ADCY9: variants seen among roughly 807,000 people sequenced by gnomAD.
ADCY9 encodes the protein adenylate cyclase type 9.
In ADCY9, 50 loss-of-function variants were observed where a neutral mutation model predicts 101.5. The observed-to-expected ratio is 0.49, with a 90% CI of 0.39 to 0.62. The LOEUF (loss-of-function observed/expected upper bound fraction) is 0.62, where lower values mean the gene tolerates loss of function less well. Ranked by LOEUF, ADCY9 falls within the 20% of genes least tolerant of loss-of-function variation. The pLI is 0.00. For synonymous variants in ADCY9, 905 were observed against 769.3 expected (o/e 1.18, Z -2.92); for missense variants, 1,662 against 1,800.4 (o/e 0.92, Z 1.39).
chr16:3,995,093 C>T (rs1374182617), intron 3 of ADCY9, among the ~76,000 whole-genome samples: 1 of 152,148 alleles, frequency 6.6e-6, no homozygotes, highest in Admixed American at 6.5e-5. Flanking sequence ...ATCACTTTAC[C>T]TCAGTTCCCT....
rs184286992 is a variant in ADCY9, at chr16:3,966,934, G to A, written c.2903C>T (p.Pro968Leu). 686 of 1,613,600 alleles carry A rather than the reference G, an allele frequency of 4.3e-4. 2 individuals carry two copies. Among genetic ancestry groups the A allele is most frequent in the Non-Finnish European group, 5.6e-5 (66 of 1,179,944 alleles). Residue 968 changes from proline (P) to leucine (L), a missense_variant, in exon 11 of 11, where the codon CCG becomes CTG. This residue lies in a region of ADCY9 where 624 missense variants were observed against 639.1 expected (regional missense o/e 0.98). Transcript: ENST00000294016. ...GCTGGCGGGCCGCCGGAGGTCACGC[G>A]GCACCGAACTATTGCACGGGTTCCT... ...SERNPCNSSV[P>L]RDLRRPASLI...
In ADCY9 at chr16:4,019,156, T is replaced by A. The variant is rs1036830383; in HGVS notation, c.1694-11598A>T. On this transcript the variant is annotated intron_variant, in intron 2 of 10. Transcript: ENST00000294016. ...AAGCCCACCTTCTTTTAAAAAAAAATTTTTTTTTAAAGATGGAATCTCACT... is the reference window on the plus strand; with the variant it reads ...AAGCCCACCTTCTTTTAAAAAAAAAATTTTTTTTAAAGATGGAATCTCACT... Among the ~76,000 whole-genome samples, 34 of 151,572 alleles carry A rather than the reference T, an allele frequency of 2.2e-4. 2 individuals carry two copies. The highest frequency in any genetic ancestry group is 7.9e-4 in the Admixed American group (12 of 15,214).
intron 2 of ADCY9, among the ~76,000 whole-genome samples, chr16:4,071,080 G>A (rs977912484): frequency 2.0e-5 from 3 of 151,362 alleles, no homozygotes; most frequent in South Asian, 2.1e-4. Context: ...CTGTAATCCC[G>A]GCACTTTGGG....
intron 2 of ADCY9, among the ~76,000 whole-genome samples, chr16:4,027,553 G>A (rs2056524667): frequency 6.6e-6 from 1 of 152,196 alleles, no homozygotes; most frequent in African/African-American, 2.4e-5. Context: ...GGAAGAGAGA[G>A]AGTGTGTGCA....
At chr16:4,021,763 C>G (rs1316782369) in intron 2 of ADCY9, among the ~76,000 whole-genome samples, 1 of 152,196 alleles carries the variant, frequency 6.6e-6, no homozygotes, top group Non-Finnish European at 1.5e-5. Context: ...GCGCTTCACA[C>G]GAGGACAATT....
downstream of ADCY9, among the ~76,000 whole-genome samples, chr16:3,961,137 G>A (rs187514836): frequency 2.6e-5 from 4 of 152,296 alleles, no homozygotes; most frequent in Admixed American, 2.0e-4. Context: ...GTCACTGGGT[G>A]CCCTTTCTAG....
chr16:4,000,539 A>G, intron 3 of ADCY9, among the ~76,000 whole-genome samples: 1 of 152,234 alleles, frequency 6.6e-6, no homozygotes, highest in East Asian at 1.9e-4. Flanking sequence ...AGAAGAAAAG[A>G]TAAGCAGTAA....
At chr16:3,985,487 A>T (rs926190783) in intron 6 of ADCY9, among the ~76,000 whole-genome samples, 19 of 152,164 alleles carry the variant, frequency 1.2e-4, no homozygotes, top group Non-Finnish European at 1.8e-4. Flanking sequence ...ACCTTGGCAG[A>T]GGCCCACGCA....
At chr16:4,040,390 T>C (rs2056618751) in intron 2 of ADCY9, among the ~76,000 whole-genome samples, 1 of 152,110 alleles carries the variant, frequency 6.6e-6, no homozygotes, top group African/African-American at 2.4e-5. Flanking sequence ...CCAAGCACTA[T>C]CATATTTCCT....
At chr16:4,051,883 G>A (rs1055024566) in intron 2 of ADCY9, among the ~76,000 whole-genome samples, 1 of 152,160 alleles carries the variant, frequency 6.6e-6, no homozygotes, top group Non-Finnish European at 1.5e-5. Context: ...AAAGCTTAAT[G>A]AGAAACAGGA....
Position 3,965,410 on chromosome 16 carries a change from T to C in ADCY9, c.*365A>G, listed in dbSNP as rs2055980821. ...TCTCGTGGGACGTGGGAAAAAGCAA[T>C]AAAAATGAGATCTTAACCACAGCTT... On this transcript the variant is annotated 3_prime_UTR_variant, in exon 11 of 11. Coordinates refer to ENST00000294016, the MANE Select transcript of ADCY9 (RefSeq NM_001116.4). The C allele has an allele frequency of 7.5e-6, 2 of 265,236 alleles. No homozygotes were observed. Among genetic ancestry groups the C allele is most frequent in the African/African-American group, 4.4e-5 (2 of 45,010 alleles). The allele number at this position is 265,236 out of a possible 1,614,324, so 16.4% of individuals were successfully genotyped here. A position where few individuals can be genotyped will look rare whatever the true frequency, so the allele number is the denominator to read the frequency against.
chr16:4,086,209 G>C (rs2056937426), intron 2 of ADCY9, among the ~76,000 whole-genome samples: 1 of 151,964 alleles, frequency 6.6e-6, no homozygotes, highest in Non-Finnish European at 1.5e-5. Context: ...TGGAAGGGAG[G>C]TCACATCTAT....
At position 3,965,823 on chromosome 16, in the gene ADCY9, T is replaced by C; in HGVS notation, c.4014A>G (p.Ile1338Met). 2 of 1,614,138 alleles carry C rather than the reference T, an allele frequency of 1.2e-6. No individual in the cohort carries two copies. The highest frequency in any genetic ancestry group is 1.3e-5 in the African/African-American group (1 of 75,054). The change falls in exon 11 of 11, where the codon ATA becomes ATG. Residue 1338 changes from isoleucine to methionine, a missense_variant. By Grantham distance (10) the Ile-to-Met change is conservative. Coordinates refer to ENST00000294016, the MANE Select transcript of ADCY9 (RefSeq NM_001116.4). ...GCTTGGTGAGTTCGTTGGCTTCTTC[T>C]ATTCCTGTTTCGTCACAGTCGTCTT... The part of the protein sequence containing the change: ...IEKDDCDETG[I>M]EEANELTKLN...
downstream of ADCY9, among the ~76,000 whole-genome samples, chr16:3,959,149 C>A (rs1394416292): frequency 2.0e-5 from 3 of 151,906 alleles, no homozygotes; most frequent in African/African-American, 7.3e-5. Context: ...TCACTTGAGC[C>A]CAGGAATTTG....
intron 9 of ADCY9, 119 bp from the exon 10 acceptor site, chr16:3,974,829 T>G (rs1281108543): frequency 2.7e-6 from 2 of 738,494 alleles, no homozygotes; most frequent in African/African-American, 3.5e-5. Context: ...TACATCCACA[T>G]AAAGCCACCT....
chr16:4,100,896 G>C (rs2057038995), intron 2 of ADCY9, among the ~76,000 whole-genome samples: 1 of 152,118 alleles, frequency 6.6e-6, no homozygotes, highest in South Asian at 2.1e-4. Flanking sequence ...GTGAGGGCAG[G>C]GTACATGACA....
chr16:4,064,787 G>A (rs2056791239), intron 2 of ADCY9, among the ~76,000 whole-genome samples: 1 of 151,930 alleles, frequency 6.6e-6, no homozygotes, highest in South Asian at 2.1e-4. Context: ...CCAGCAACGT[G>A]GTTTTTGTTT....
intron 6 of ADCY9, among the ~76,000 whole-genome samples, chr16:3,988,526 CGGGGTTCCTTTCCAGGGCAGGTGGGGA>C (rs1359711273): frequency 0.079 from 2,954 of 37,204 alleles, 63 homozygotes; most frequent in Admixed American, 0.12. Flanking sequence ...GGGCAGGTGT[CGGGGTTCCTTTCCAGGGCAGGTGGGGA>C]GGGGTTCCTT....
chr16:4,011,679 C>G (rs2056405370), intron 2 of ADCY9, among the ~76,000 whole-genome samples: 2 of 152,158 alleles, frequency 1.3e-5, no homozygotes, highest in South Asian at 4.1e-4. Context: ...TCTCAGTTTC[C>G]TCATCTCTAA....
Sources: allele counts gnomAD v4.1 joint callset (sites outside exome capture counted in the v4.1 genomes callset), GRCh38; gene constraint gnomAD v4.1.1; regional missense constraint gnomAD v4.1.1; transcripts MANE v1.5; gene names NCBI Gene and HGNC (gene_info 2026-07-23, HGNC 2026-07-21).